RIMS2: variants seen among roughly 807,000 people sequenced by gnomAD.
RIMS2 encodes regulating synaptic membrane exocytosis protein 2.
A neutral mutation model predicts 174.4 loss-of-function variants in RIMS2; 59 were observed. The ratio of observed to expected loss-of-function variants is 0.34; its 90% confidence interval spans 0.27 to 0.42. The LOEUF is 0.42. Ranked by LOEUF, RIMS2 falls within the 10% of genes least tolerant of loss-of-function variation. The probability of loss-of-function intolerance (pLI) is 1.00; values close to 1 mark genes in which losing one functional copy is unlikely to be tolerated. For synonymous variants in RIMS2, 606 were observed against 572.5 expected, an observed-to-expected ratio of 1.06 and a Z score of -0.84; for missense variants, 1,620 against 1,666.3, an observed-to-expected ratio of 0.97 and a Z score of 0.48.
chr8:104,114,549 A>G lies in RIMS2; in HGVS notation c.3334+99934A>G, dbSNP rs551081310. On this transcript the variant is annotated intron_variant, in intron 19 of 23. Coordinates refer to ENST00000504942, the Ensembl canonical transcript of RIMS2. ...AAGGAATATATAAATTATACTATAA[A>G]GCATTTTATTAATCTTTCCATTGTA... 4.6e-5 allele frequency among the ~76,000 whole-genome samples: 7 copies of G among 152,116 alleles called. No homozygotes were observed. In the East Asian group the frequency reaches 7.7e-4, roughly 17 times the overall value.
At chr8:103,599,115 T>G (rs1757728443) in intron 1 of RIMS2, among the ~76,000 whole-genome samples, 1 of 152,092 alleles carries the variant, frequency 6.6e-6, no homozygotes, top group Admixed American at 6.6e-5. Flanking sequence ...TCCTCTTTTT[T>G]TCTTCTTAAG....
chr8:103,858,991 C>T (rs754083274), intron 3 of RIMS2, among the ~76,000 whole-genome samples: 5 of 151,800 alleles, frequency 3.3e-5, no homozygotes, highest in Non-Finnish European at 5.9e-5. Context: ...AATTAAGGTT[C>T]GAATTAATTT....
chr8:104,122,670 C>T (rs565172846), intron 19 of RIMS2, among the ~76,000 whole-genome samples: 2 of 152,060 alleles, frequency 1.3e-5, no homozygotes, highest in African/African-American at 4.8e-5. Flanking sequence ...CTGCATATTT[C>T]TATTTAGATT....
At chr8:103,652,135 G>A (rs2096462393) in intron 1 of RIMS2, 70 bp from the exon 2 acceptor site, 2 of 800,882 alleles carry the variant, frequency 2.5e-6, no homozygotes, top group South Asian at 1.6e-5. Context: ...CATTTTATAT[G>A]AACACAAATT....
chr8:103,761,794 T>G (rs2140138074), intron 2 of RIMS2, among the ~76,000 whole-genome samples: 2 of 152,312 alleles, frequency 1.3e-5, no homozygotes, highest in South Asian at 2.1e-4. Context: ...GCACACATAT[T>G]TATAAGCAGG....
chr8:104,209,461 C>G (rs949641163), intron 19 of RIMS2, among the ~76,000 whole-genome samples: 3 of 152,196 alleles, frequency 2.0e-5, no homozygotes, highest in Non-Finnish European at 2.9e-5. Flanking sequence ...ATCTTCAAGA[C>G]TTTGCTCAAA....
At chr8:103,662,610 TTTC>T (rs1232151136) in intron 1 of RIMS2, among the ~76,000 whole-genome samples, 2 of 152,316 alleles carry the variant, frequency 1.3e-5, no homozygotes, top group African/African-American at 4.8e-5. Flanking sequence ...AGTTGATACT[TTTC>T]TTCAAGAAGC....
intron 1 of RIMS2, among the ~76,000 whole-genome samples, chr8:103,631,212 G>A (rs2095910921): frequency 6.6e-6 from 1 of 152,120 alleles, no homozygotes; most frequent in African/African-American, 2.4e-5. Context: ...TGTCCAGGAT[G>A]GTATTGCCTC....
intron 2 of RIMS2, among the ~76,000 whole-genome samples, chr8:103,755,081 C>T (rs747696295): frequency 5.3e-5 from 8 of 152,102 alleles, no homozygotes; most frequent in Non-Finnish European, 8.8e-5. Flanking sequence ...TGTTCCTTTC[C>T]ATGTTTAGTG....
chr8:104,090,558 G>A (rs1315587131), intron 19 of RIMS2, among the ~76,000 whole-genome samples: 1 of 151,704 alleles, frequency 6.6e-6, no homozygotes, highest in African/African-American at 2.4e-5. Flanking sequence ...GGTGGCTTTG[G>A]ATGTCAGGAT....
chr8:104,192,020 T>G (rs1021970941), intron 19 of RIMS2, among the ~76,000 whole-genome samples: 1 of 152,140 alleles, frequency 6.6e-6, no homozygotes, highest in Non-Finnish European at 1.5e-5. Flanking sequence ...TAATGAAAAT[T>G]TTCACTATAC....
chr8:103,774,859 C>T (rs1202250430), intron 3 of RIMS2, among the ~76,000 whole-genome samples: 1 of 151,926 alleles, frequency 6.6e-6, no homozygotes, highest in Non-Finnish European at 1.5e-5. Context: ...ATAGCGGTAA[C>T]GTTTAAGATC....
intron 3 of RIMS2, among the ~76,000 whole-genome samples, chr8:103,798,102 T>C (rs1005093667): frequency 1.3e-5 from 2 of 152,140 alleles, no homozygotes; most frequent in Admixed American, 6.6e-5. Flanking sequence ...TGATTAAGTA[T>C]ATACTTTATA....
At chr8:103,810,835 T>C (rs933396341) in intron 3 of RIMS2, among the ~76,000 whole-genome samples, 8 of 152,208 alleles carry the variant, frequency 5.3e-5, no homozygotes, top group Non-Finnish European at 8.8e-5. Context: ...AGAGGAATTA[T>C]ATGAAAGAAA....
At chr8:103,927,097 A>G (rs1482487038) in intron 10 of RIMS2, among the ~76,000 whole-genome samples, 4 of 151,446 alleles carry the variant, frequency 2.6e-5, no homozygotes, top group Non-Finnish European at 4.4e-5. Context: ...TAAACTGTCA[A>G]TAAAGGCTTG....
At chr8:103,891,394 A>ATTT (rs2099244391) in intron 4 of RIMS2, among the ~76,000 whole-genome samples, 1 of 152,100 alleles carries the variant, frequency 6.6e-6, no homozygotes, top group East Asian at 1.9e-4. Flanking sequence ...AATTGGTTTC[A>ATTT]GTGGCGAATT....
downstream of RIMS2, chr8:104,252,500 A>C (rs953489895): frequency 2.0e-5 from 3 of 151,316 alleles, no homozygotes; most frequent in Non-Finnish European, 2.9e-5. Context: ...CTGAATACTT[A>C]AATTATTTTC....
intron 19 of RIMS2, among the ~76,000 whole-genome samples, chr8:104,114,644 G>A (rs1377110770): frequency 6.6e-6 from 1 of 151,724 alleles, no homozygotes; most frequent in East Asian, 1.9e-4. Flanking sequence ...ATTTCTGTTA[G>A]CCAAAGTAAG....
chr8:103,667,191 T>TA (rs1459754290), intron 1 of RIMS2, among the ~76,000 whole-genome samples: 9 of 152,206 alleles, frequency 5.9e-5, no homozygotes, highest in Non-Finnish European at 8.8e-5. Flanking sequence ...ATCTCTATAA[T>TA]ACATAATGTA....
Sources: allele counts gnomAD v4.1 joint callset (sites outside exome capture counted in the v4.1 genomes callset), GRCh38; gene constraint gnomAD v4.1.1; transcripts MANE v1.5; gene names NCBI Gene and HGNC (gene_info 2026-07-23, HGNC 2026-07-21).